ASMTL: variants seen among roughly 807,000 people sequenced by gnomAD.
The protein encoded by ASMTL is acetylserotonin O-methyltransferase like, also known as probable bifunctional dTTP/UTP pyrophosphatase/methyltransferase protein.
Under a neutral mutation model 60.3 loss-of-function variants are expected in ASMTL, and 57 were observed. The observed-to-expected ratio is 0.95, with a 90% CI of 0.76 to 1.18. The LOEUF is 1.18. Among genes scored for constraint, ASMTL ranks in the 50% most tolerant of loss-of-function variants. The pLI is 0.00. For synonymous variants in ASMTL, 419 were observed against 373.0 expected (o/e 1.12, Z -1.42); for missense variants, 981 against 852.6 (o/e 1.15, Z -1.88).
At chrX:1,435,819 C>G in intron 3 of ASMTL, 61 bp from the exon 4 acceptor site, 1 of 1,377,870 alleles carries the variant, frequency 7.3e-7, no homozygotes, top group Non-Finnish European at 1.0e-6. Context: ...CTGTGCAAGT[C>G]CCACGGTCCC....
At chrX:1,432,489 C>A in intron 5 of ASMTL, 112 bp from the exon 6 acceptor site, 1 of 765,198 alleles carries the variant, frequency 1.3e-6, no homozygotes, top group Non-Finnish European at 2.3e-6. Context: ...GCGCACAGTT[C>A]AGATATGGAT....
Position 1,418,116 on chromosome X carries a change from C to T in ASMTL, c.1379G>A (p.Gly460Asp), listed in dbSNP as rs367857010. The stretch of plus-strand genomic sequence containing the variant: ...CTCTCGGGCCAGTGCACCCGTGCAG[C>T]CTGCGGGGAAGCAAATGCATGCTCT... ...SRFSSACDVG[G>D]CTGALARELA... Residue 460 changes from glycine to aspartate, a missense_variant and splice_region_variant, in exon 11 of 13, where the codon GGC becomes GAC. Coordinates refer to ENST00000381317, the MANE Select transcript of ASMTL (RefSeq NM_004192.4). The T allele has an allele frequency of 7.5e-6, 12 of 1,596,098 alleles. No individual in the cohort carries two copies. The highest frequency in any genetic ancestry group is 1.3e-5 in the African/African-American group (1 of 74,530).
At chrX:1,404,126 A>G (rs1461549653) in intron 12 of ASMTL, among the ~76,000 whole-genome samples, 1 of 149,480 alleles carries the variant, frequency 6.7e-6, no homozygotes, top group Non-Finnish European at 1.5e-5. Flanking sequence ...CATGGATGAG[A>G]TGGATGGTTG....
chrX:1,411,629 A>ACTTCAGCAACACGGCTGTAAACT (rs1262220146), intron 12 of ASMTL, among the ~76,000 whole-genome samples: 1 of 26,184 alleles, frequency 3.8e-5, no homozygotes, highest in Admixed American at 3.0e-4. Context: ...ATCCAGCTGC[A>ACTTCAGCAACACGGCTGTAAACT]GAGTCCACTC....
Position 1,432,253 on chromosome X carries a change from C to A in ASMTL, c.509+16G>T. The A allele has an allele frequency of 6.3e-7, 1 of 1,590,114 alleles. No homozygotes were observed. The highest frequency in any genetic ancestry group is 1.1e-5 in the South Asian group (1 of 89,782). ...CCACACGTGTCCCCCGTCCCCCCAC[C>A]GCCCCCGAGACTCACATGGGCTCCC... is the stretch of plus-strand genomic sequence containing the variant. On this transcript the variant is annotated intron_variant, in intron 6 of 12. Coordinates refer to ENST00000381317, the MANE Select transcript of ASMTL (RefSeq NM_004192.4).
chrX:1,434,032 G>C (rs374445662), intron 5 of ASMTL, among the ~76,000 whole-genome samples: 3 of 152,172 alleles, frequency 2.0e-5, no homozygotes, highest in South Asian at 4.1e-4. Flanking sequence ...GGTCCCATGG[G>C]ACCCGGCCCT....
intron 2 of ASMTL, among the ~76,000 whole-genome samples, chrX:1,441,144 A>G (rs2091097227): frequency 6.6e-6 from 1 of 152,200 alleles, no homozygotes; most frequent in Non-Finnish European, 1.5e-5. Context: ...GTAATAAGCT[A>G]CATAATTCTA....
chrX:1,417,028 G>C (rs866559490), intron 11 of ASMTL, among the ~76,000 whole-genome samples: 1 of 22,280 alleles, frequency 4.5e-5, no homozygotes, highest in African/African-American at 5.4e-5. Context: ...AACACACAGA[G>C]ACACAGACAC....
chrX:1,424,562 G>GTCCA (rs1329503212), intron 8 of ASMTL, among the ~76,000 whole-genome samples: 1 of 17,014 alleles, frequency 5.9e-5, no homozygotes, highest in South Asian at 8.5e-3. Context: ...CCATCCATCT[G>GTCCA]TCCGTCCATC....
At chrX:1,405,773 T>C (rs1407428294) in intron 12 of ASMTL, among the ~76,000 whole-genome samples, 1 of 150,486 alleles carries the variant, frequency 6.6e-6, no homozygotes, top group African/African-American at 2.5e-5. Context: ...GATGGGTAGG[T>C]AGGAAGATGA....
chrX:1,412,902 A>G (rs2090086926), intron 11 of ASMTL, 48 bp from the exon 12 acceptor site: 2 of 1,610,660 alleles, frequency 1.2e-6, no homozygotes, highest in Non-Finnish European at 1.7e-6. Flanking sequence ...TGGAAGAAGC[A>G]GTCCTCCCCG....
At chrX:1,424,600 C>G (rs1435834272) in intron 8 of ASMTL, among the ~76,000 whole-genome samples, 8 of 151,504 alleles carry the variant, frequency 5.3e-5, no homozygotes, top group African/African-American at 1.9e-4. Flanking sequence ...ATCCACTCAC[C>G]CACTTATCCA....
chrX:1,412,286 G>C (rs1439019482), intron 12 of ASMTL, among the ~76,000 whole-genome samples: 57 of 152,186 alleles, frequency 3.7e-4, no homozygotes, highest in Non-Finnish European at 6.2e-4. Flanking sequence ...GGAGTGCAGT[G>C]GCGCGATCTC....
chrX:1,442,488 A>C (rs2091130664), intron 1 of ASMTL, 171 bp from the exon 2 acceptor site: 1 of 271,718 alleles, frequency 3.7e-6, no homozygotes, highest in Non-Finnish European at 5.6e-6. Flanking sequence ...GGAGCCGGGG[A>C]CTGACCAGGG....
rs2091051872 is a variant in ASMTL at position 1,439,378 on chromosome X, A to G, written c.226-234T>C. Among the ~76,000 whole-genome samples the G allele has an allele frequency of 3.3e-5, 5 of 152,212 alleles. 1 individual carries two copies. The South Asian group carries it at 1.0e-3, about 32-fold the overall frequency. On this transcript the variant is annotated intron_variant, in intron 2 of 12. Transcript: ENST00000381317. ...CGGGGCCCACGGGGGCTGCGTGATCAGGGGTCAGGCACTCACGGAGCATCT... is the reference window on the plus strand; with the variant it reads ...CGGGGCCCACGGGGGCTGCGTGATCGGGGGTCAGGCACTCACGGAGCATCT...
At chrX:1,407,138 TGGTAGATGATGGGTA>T (rs2089890055) in intron 12 of ASMTL, among the ~76,000 whole-genome samples, 2 of 147,536 alleles carry the variant, frequency 1.4e-5, no homozygotes, top group South Asian at 4.3e-4. Context: ...GGTGAACTGA[TGGTAGATGATGGGTA>T]GGTAGATAGA....
intron 12 of ASMTL, among the ~76,000 whole-genome samples, chrX:1,403,903 AGATG>A (rs1484628632): frequency 5.9e-5 from 9 of 151,746 alleles, no homozygotes; most frequent in Non-Finnish European, 1.0e-4. Context: ...TGCATGTATG[AGATG>A]GATGGATGGG....
intron 9 of ASMTL, 101 bp from the exon 10 acceptor site, chrX:1,419,215 G>A (rs755371535): frequency 2.6e-4 from 369 of 1,399,564 alleles, no homozygotes; most frequent in Admixed American, 9.2e-4. Context: ...GCTCCAGAGC[G>A]TGGGGGCTCA....
intron 12 of ASMTL, among the ~76,000 whole-genome samples, chrX:1,410,946 G>T (rs1384986840): frequency 6.6e-6 from 1 of 151,834 alleles, no homozygotes; most frequent in East Asian, 2.0e-4. Context: ...AACACTTTGG[G>T]AGTCCCAGCT....
Sources: gnomAD v4.1 joint callset for allele counts (sites outside exome capture counted in the v4.1 genomes callset) on GRCh38, gnomAD v4.1.1 for gene constraint, MANE v1.5 for transcripts, NCBI Gene and HGNC (gene_info 2026-07-23, HGNC 2026-07-21) for gene names.